Variants in SSPN observed in about 807,000 individuals in gnomAD.
The protein encoded by SSPN is sarcospan.
A neutral mutation model predicts 19.1 loss-of-function variants in SSPN; 15 were observed. The observed-to-expected ratio is 0.78, with a 90% CI of 0.52 to 1.21. The LOEUF (loss-of-function observed/expected upper bound fraction) is 1.21, where lower values mean the gene tolerates loss of function less well. SSPN is among the 50% of genes most tolerant of loss of function. SSPN has a pLI of 0.00. For missense variants in SSPN, 291 were observed against 314.0 expected, an observed-to-expected ratio of 0.93 and a Z score of 0.55; for synonymous variants, 147 against 140.3, an observed-to-expected ratio of 1.05 and a Z score of -0.34.
At chr12:26,180,224 CA>C (rs1471793882) in intron 1 of SSPN, 2 of 152,172 alleles carry the variant, frequency 1.3e-5, no homozygotes, top group Middle Eastern at 3.2e-3. Flanking sequence ...AGGAGAAAGG[CA>C]GCATGAAAGA....
chr12:26,123,784 AAC>A, intron 1 of SSPN: 1 of 1,337,998 alleles, frequency 7.5e-7, no homozygotes, highest in Non-Finnish European at 1.1e-6. Flanking sequence ...GTTACTTAAA[AAC>A]ACACATTTGG....
chr12:26,148,750 TA>T (rs952560975), intron 1 of SSPN, among the ~76,000 whole-genome samples: 1 of 152,162 alleles, frequency 6.6e-6, no homozygotes, highest in African/African-American at 2.4e-5. Context: ...GTTGTGCTTC[TA>T]GGTGACATTT....
At chr12:26,216,146 A>G (rs7963327) in intron 1 of SSPN, among the ~76,000 whole-genome samples, 151,403 of 152,300 alleles carry the variant, frequency 0.99, 75,258 homozygotes, top group Middle Eastern at 1. Flanking sequence ...ACTCTCTATA[A>G]GAAATTCTAC....
chr12:26,209,440 A>G (rs1038797517), intron 1 of SSPN, among the ~76,000 whole-genome samples: 2 of 151,482 alleles, frequency 1.3e-5, no homozygotes, highest in African/African-American at 4.8e-5. Flanking sequence ...GAATCTTCTT[A>G]TTCTCCCTCC....
intron 1 of SSPN, among the ~76,000 whole-genome samples, chr12:26,133,418 A>G (rs75719904): frequency 0.015 from 2,354 of 152,196 alleles, 31 homozygotes; most frequent in Non-Finnish European, 0.021. Flanking sequence ...GGCCCCCATA[A>G]TCTCTCACCC....
chr12:26,213,160 T>C (rs1413517467), intron 1 of SSPN, among the ~76,000 whole-genome samples: 2 of 152,110 alleles, frequency 1.3e-5, no homozygotes, highest in Admixed American at 1.3e-4. Flanking sequence ...TGATTGTCAT[T>C]GTAAAACCAC....
At chr12:26,217,418 T>C (rs1305919917) in intron 1 of SSPN, among the ~76,000 whole-genome samples, 2 of 59,354 alleles carry the variant, frequency 3.4e-5, no homozygotes, top group African/African-American at 1.5e-4. Flanking sequence ...TTTTTGTACA[T>C]TGATTTTGTA....
At position 26,176,400 on chromosome 12, in the gene SSPN, G is replaced by A. The variant is rs181543576; in HGVS notation, c.-30-47893G>A. On this transcript the variant is annotated intron_variant, in intron 1 of 2. Transcript: ENST00000538142. Reference sequence around the variant, plus strand: ...AGAGATGGCCCTAAACCTTTTACAAGGCCCTCTAAATCCTTAAAGCGGTAT... The same window carrying A: ...AGAGATGGCCCTAAACCTTTTACAAAGCCCTCTAAATCCTTAAAGCGGTAT... Among the ~76,000 whole-genome samples the A allele has an allele frequency of 4.6e-3, 706 of 152,178 alleles. 2 individuals carry two copies. The highest frequency in any genetic ancestry group is 0.015 in the African/African-American group (639 of 41,524).
chr12:26,167,273 A>AT (rs1277537475), intron 1 of SSPN, among the ~76,000 whole-genome samples: 4 of 152,248 alleles, frequency 2.6e-5, no homozygotes, highest in African/African-American at 4.8e-5. Flanking sequence ...TATTTTGTTG[A>AT]TTTTTTTCAT....
chr12:26,136,706 A>G (rs983804616), intron 1 of SSPN, among the ~76,000 whole-genome samples: 1 of 152,236 alleles, frequency 6.6e-6, no homozygotes, highest in African/African-American at 2.4e-5. Context: ...ATGGGTGAAT[A>G]ACAATAAAAC....
At chr12:26,167,193 C>T (rs1225277720) in intron 1 of SSPN, among the ~76,000 whole-genome samples, 1 of 152,156 alleles carries the variant, frequency 6.6e-6, no homozygotes, top group Non-Finnish European at 1.5e-5. Context: ...ATTATTGAGG[C>T]ATACACCACA....
intron 1 of SSPN, among the ~76,000 whole-genome samples, chr12:26,206,620 G>A (rs900720934): frequency 4.1e-4 from 63 of 152,174 alleles, no homozygotes; most frequent in African/African-American, 1.2e-3. Flanking sequence ...CTATACCACC[G>A]GAGTAGGCTC....
chr12:26,231,158 A>G lies in SSPN; in HGVS notation c.*82A>G. ...AACAAAAAAAAATTTTAAACAAAGA[A>G]AGGAAAAAAATTGACAATAAAAGTC... On this transcript the variant is annotated 3_prime_UTR_variant, in exon 3 of 3. Transcript: ENST00000242729. The G allele has an allele frequency of 7.0e-7, 1 of 1,429,478 alleles. No individual in the cohort carries two copies. Among genetic ancestry groups the G allele is most frequent in the Non-Finnish European group, 9.2e-7 (1 of 1,089,776 alleles). 88.5% of individuals were successfully genotyped at this position (1,429,478 alleles called of 1,614,324 possible). A position where few individuals can be genotyped will look rare whatever the true frequency, so the allele number is the denominator to read the frequency against.
At position 26,129,243 on chromosome 12, in the gene SSPN, T is replaced by C. The variant is rs540114468; in HGVS notation, c.-31+7091T>C. On this transcript the variant is annotated intron_variant, in intron 1 of 2. Transcript: ENST00000538142. ...CAGAAGCCATTCTTGATCACCTCTGTTTTACAGAGCGGACAAGAATCTGCA... is the reference window on the plus strand; with the variant it reads ...CAGAAGCCATTCTTGATCACCTCTGCTTTACAGAGCGGACAAGAATCTGCA... Among the ~76,000 whole-genome samples, 166 of 152,296 alleles carry C rather than the reference T, an allele frequency of 1.1e-3. 1 individual carries two copies. The highest frequency in any genetic ancestry group is 3.8e-3 in the African/African-American group (158 of 41,558).
At chr12:26,206,382 T>C (rs1471986324) in intron 1 of SSPN, among the ~76,000 whole-genome samples, 1 of 152,248 alleles carries the variant, frequency 6.6e-6, no homozygotes, top group African/African-American at 2.4e-5. Context: ...TTGAACAAGA[T>C]GGTTCTCTCA....
At chr12:26,194,992 AAATAAT>A (rs1296279793), upstream of SSPN, among the ~76,000 whole-genome samples, 2 of 152,120 alleles carry the variant, frequency 1.3e-5, no homozygotes, top group African/African-American at 4.8e-5. Flanking sequence ...CCTGTTTGGA[AAATAAT>A]AATAATAATT....
rs191275727 is a variant in SSPN at position 26,174,607 on chromosome 12, G to A, written c.-30-49686G>A. ...AAAATCCCAGCTCGCTGCAACCTCC[G>A]CCTCCCAGGTTCAACTGATTCTCCT... On this transcript the variant is annotated intron_variant, in intron 1 of 2. Transcript: ENST00000538142. Among the ~76,000 whole-genome samples, 145 of 151,484 alleles carry A rather than the reference G, an allele frequency of 9.6e-4. 1 individual carries two copies. Among genetic ancestry groups the A allele is most frequent in the East Asian group, 7.0e-3 (36 of 5,126 alleles).
intron 1 of SSPN, among the ~76,000 whole-genome samples, chr12:26,145,381 C>T (rs1944483995): frequency 6.6e-6 from 1 of 152,122 alleles, no homozygotes; most frequent in African/African-American, 2.4e-5. Context: ...CCTGGGAGGG[C>T]TGGTGAGGGG....
chr12:26,195,382 A>T, upstream of SSPN: 1 of 347,970 alleles, frequency 2.9e-6, no homozygotes, highest in Non-Finnish European at 5.0e-6. Context: ...GCAGAGGTTC[A>T]GGCGGCCAAG....
Sources: gnomAD v4.1 joint callset for allele counts (sites outside exome capture counted in the v4.1 genomes callset) on GRCh38, gnomAD v4.1.1 for gene constraint, MANE v1.5 for transcripts, NCBI Gene and HGNC (gene_info 2026-07-23, HGNC 2026-07-21) for gene names.